The following TMEM161B variants were observed in gnomAD, a reference collection of about 807,000 sequenced individuals.
TMEM161B encodes the protein transmembrane protein 161B.
Under a neutral mutation model 61.8 loss-of-function variants are expected in TMEM161B, and 34 were observed. That is an observed-to-expected ratio of 0.55 (90% CI 0.42 to 0.73). The LOEUF (loss-of-function observed/expected upper bound fraction) is 0.73, where lower values mean the gene tolerates loss of function less well. Ranked by LOEUF, TMEM161B falls within the 30% of genes least tolerant of loss-of-function variation. TMEM161B has a pLI of 0.00. For missense variants in TMEM161B, 456 were observed against 558.5 expected (o/e 0.82, Z 1.85); for synonymous variants, 167 against 192.8 (o/e 0.87, Z 1.11).
intron 2 of TMEM161B, 120 bp downstream of exon 2, chr5:88,240,693 G>C: frequency 1.3e-6 from 1 of 798,078 alleles, no homozygotes; most frequent in Non-Finnish European, 2.0e-6. Context: ...AAATAAGAAA[G>C]CTAGATTTTT....
chr5:88,210,491 T>A (rs1746496377), intron 5 of TMEM161B, among the ~76,000 whole-genome samples: 1 of 152,180 alleles, frequency 6.6e-6, no homozygotes, highest in South Asian at 2.1e-4. Context: ...TCTGATTGCC[T>A]TTCTATGCAG....
rs764112016 is a variant in TMEM161B, at chr5:88,220,727, G to GAAAAAAAAAAAAAAAAAAAAAAAA, written c.290-32_290-9dup. 3.3e-6 allele frequency: 2 copies of GAAAAAAAAAAAAAAAAAAAAAAAA among 602,818 alleles called. No homozygotes were observed. Among genetic ancestry groups the GAAAAAAAAAAAAAAAAAAAAAAAA allele is most frequent in the African/African-American group, 3.7e-5 (1 of 26,784 alleles). 37.3% of individuals were successfully genotyped at this position (602,818 alleles called of 1,614,324 possible). A position where few individuals can be genotyped will look rare whatever the true frequency, so the allele number is the denominator to read the frequency against. On this transcript the variant is annotated splice_polypyrimidine_tract_variant and intron_variant, in intron 4 of 11. Transcript: ENST00000296595. Reference sequence around the variant, plus strand: ...CTGGAAAGTAATGCAATGCTGGAAAGAAAAAAAAAAAAAAAAAAAAAAAAG... The same window carrying GAAAAAAAAAAAAAAAAAAAAAAAA: ...CTGGAAAGTAATGCAATGCTGGAAAGAAAAAAAAAAAAAAAAAAAAAAAAAAAAAAAAAAAAAAAAAAAAAAAAG...
At chr5:88,187,998 A>G (rs991029973), downstream of TMEM161B, among the ~76,000 whole-genome samples, 1 of 152,220 alleles carries the variant, frequency 6.6e-6, no homozygotes, top group African/African-American at 2.4e-5. Context: ...AATGAACTAT[A>G]TAGAAATAGA....
chr5:88,192,772 A>G (rs1482380441), downstream of TMEM161B, among the ~76,000 whole-genome samples: 1 of 152,250 alleles, frequency 6.6e-6, no homozygotes, highest in African/African-American at 2.4e-5. Flanking sequence ...CCTTGATAGA[A>G]CATCTTCAAT....
At chr5:88,194,642 G>T (rs1749333280), downstream of TMEM161B, among the ~76,000 whole-genome samples, 1 of 151,630 alleles carries the variant, frequency 6.6e-6, no homozygotes, top group Admixed American at 6.6e-5. Context: ...TTTAAAACAT[G>T]GCTATTTCCA....
rs759310312 is a variant in TMEM161B, at chr5:88,199,010, G to A, written c.1055C>T (p.Ala352Val). Residue 352 changes from alanine (A) to valine (V), a missense_variant, in exon 10 of 12, where the codon GCG (alanine) becomes GTG (valine). Physicochemically the swap from Ala to Val is moderately conservative, Grantham distance 64. Transcript: ENST00000296595. ...TAGCTCAACCGTGCTTATTCGCCCC[G>A]CTTCTTTCTTCATCTGATCCACACA... is the stretch of plus-strand genomic sequence containing the variant. ...QKCVDQMKKEAGRISTVELQK... is the reference protein window; with the variant it reads ...QKCVDQMKKEVGRISTVELQK... The A allele has an allele frequency of 5.3e-5, 86 of 1,611,770 alleles. No homozygotes were observed. The highest frequency in any genetic ancestry group is 8.9e-5 in the East Asian group (4 of 44,802).
At chr5:88,255,472 T>C (rs1468975346) in intron 1 of TMEM161B, among the ~76,000 whole-genome samples, 4 of 152,198 alleles carry the variant, frequency 2.6e-5, no homozygotes, top group South Asian at 2.1e-4. Flanking sequence ...TAAGAACACC[T>C]ATTGATATCT....
intron 1 of TMEM161B, chr5:88,259,402 G>A (rs1755406570): frequency 2.0e-5 from 3 of 152,170 alleles, no homozygotes; most frequent in Admixed American, 2.0e-4. Context: ...AATAGCCCAA[G>A]TGGAAAGAAG....
At chr5:88,252,472 A>T (rs1373864252) in intron 1 of TMEM161B, among the ~76,000 whole-genome samples, 1 of 152,216 alleles carries the variant, frequency 6.6e-6, no homozygotes, top group Non-Finnish European at 1.5e-5. Flanking sequence ...GATAAAAACT[A>T]AGAATAAGAT....
At chr5:88,244,795 G>C (rs1258875519) in intron 1 of TMEM161B, among the ~76,000 whole-genome samples, 1 of 151,724 alleles carries the variant, frequency 6.6e-6, no homozygotes, top group Non-Finnish European at 1.5e-5. Context: ...TTTTCCATTT[G>C]TTTATGTTAT....
chr5:88,263,432 A>G (rs1490757035), intron 1 of TMEM161B, among the ~76,000 whole-genome samples: 1 of 152,222 alleles, frequency 6.6e-6, no homozygotes, highest in Non-Finnish European at 1.5e-5. Context: ...GAATGATTTA[A>G]GAACTTTTTT....
chr5:88,225,223 T>C (rs1580517631), intron 4 of TMEM161B, among the ~76,000 whole-genome samples: 1 of 152,180 alleles, frequency 6.6e-6, no homozygotes, highest in East Asian at 1.9e-4. Context: ...CGCCTTGGCC[T>C]CCCAAAGTGC....
rs1345949965 is a variant in TMEM161B, at chr5:88,195,916, T to C, written c.*295A>G. On this transcript the variant is annotated 3_prime_UTR_variant, in exon 12 of 12. Coordinates refer to ENST00000296595, the MANE Select transcript of TMEM161B (RefSeq NM_153354.5). The stretch of plus-strand genomic sequence containing the variant: ...TGTTTCAAAGACTGCTGGAGGTTTC[T>C]GTAAACCAGGGTAATCAGAAATATT... 1.8e-6 allele frequency: 2 copies of C among 1,115,640 alleles called. No homozygotes were observed. The highest frequency in any genetic ancestry group is 2.2e-6 in the Non-Finnish European group (2 of 912,444). The allele number at this position is 1,115,640 out of a possible 1,614,324, so 69.1% of individuals were successfully genotyped here. A position where few individuals can be genotyped will look rare whatever the true frequency, so the allele number is the denominator to read the frequency against.
At chr5:88,201,164 C>G (rs1352556992) in intron 9 of TMEM161B, 2 of 151,740 alleles carry the variant, frequency 1.3e-5, no homozygotes, top group Middle Eastern at 3.2e-3. Context: ...TGAAACAGGT[C>G]AGAAATGGGG....
In TMEM161B at chr5:88,220,634, G is replaced by A; in HGVS notation, c.375C>T (p.Tyr125=). 2 of 1,507,396 alleles carry A rather than the reference G, an allele frequency of 1.3e-6. No homozygotes were observed. The highest frequency in any genetic ancestry group is 8.9e-7 in the Non-Finnish European group (1 of 1,118,744). The allele number at this position is 1,507,396 out of a possible 1,614,324, so 93.4% of individuals were successfully genotyped here. ...TTTCCTGTGTAGGCTTCATAAAATT[G>A]TAGTAGACTTCAGTTACTAGATACA... is the stretch of plus-strand genomic sequence containing the variant. The part of the protein sequence containing the change: ...TVVYLVTEVY[Y]NFMKPTQEMN... The change falls in exon 5 of 12, where the codon TAC becomes TAT. Residue 125 remains tyrosine, a synonymous_variant. Coordinates refer to ENST00000296595, the MANE Select transcript of TMEM161B (RefSeq NM_153354.5).
At chr5:88,220,839 A>C (rs1748831404) in intron 4 of TMEM161B, 120 bp from the exon 5 acceptor site, 1 of 1,277,258 alleles carries the variant, frequency 7.8e-7, no homozygotes, top group Non-Finnish European at 1.0e-6. Flanking sequence ...TTATTTGTTC[A>C]TTTGCAATGT....
intron 3 of TMEM161B, 139 bp downstream of exon 3, chr5:88,228,306 A>C (rs1381850258): frequency 1.4e-5 from 9 of 640,638 alleles, no homozygotes; most frequent in Non-Finnish European, 2.4e-5. Context: ...ACTACAGATT[A>C]GATTTTCATG....
chr5:88,216,448 C>T (rs1005541143), intron 5 of TMEM161B, among the ~76,000 whole-genome samples: 2 of 152,264 alleles, frequency 1.3e-5, no homozygotes, highest in African/African-American at 4.8e-5. Context: ...CAGAATTAAA[C>T]AGGAATATTT....
rs571672359 is a variant in TMEM161B, at chr5:88,206,060, A to G, written c.660-106T>C. On this transcript the variant is annotated intron_variant, in intron 7 of 11. Transcript: ENST00000296595. ...TTACAAATAACAATAACAGTAAAAC[A>G]AAGCAAATTTCTACAAAAAGATTGC... 5.3e-5 allele frequency: 51 copies of G among 953,594 alleles called. No individual in the cohort carries two copies. The East Asian group carries it at 1.2e-3, about 23-fold the overall frequency. The allele number at this position is 953,594 out of a possible 1,614,324, so 59.1% of individuals were successfully genotyped here. A position where few individuals can be genotyped will look rare whatever the true frequency, so the allele number is the denominator to read the frequency against.
Sources: allele counts gnomAD v4.1 joint callset (sites outside exome capture counted in the v4.1 genomes callset), GRCh38; gene constraint gnomAD v4.1.1; transcripts MANE v1.5; gene names NCBI Gene and HGNC (gene_info 2026-07-23, HGNC 2026-07-21).